MANBA: variants seen among roughly 807,000 people sequenced by gnomAD.
The protein encoded by MANBA is beta-mannosidase.
MANBA carries 83 observed loss-of-function variants against 111.1 expected under a neutral mutation model. The observed-to-expected ratio is 0.75, with a 90% CI of 0.63 to 0.90. The LOEUF (loss-of-function observed/expected upper bound fraction) is 0.90, where lower values mean the gene tolerates loss of function less well. Among genes scored for constraint, MANBA ranks in the 40% least tolerant of loss-of-function variants. The probability of loss-of-function intolerance (pLI) is 0.00; values close to 1 mark genes in which losing one functional copy is unlikely to be tolerated. For synonymous variants in MANBA, 370 were observed against 378.7 expected, an observed-to-expected ratio of 0.98 and a Z score of 0.27; for missense variants, 1,036 against 1,069.0, an observed-to-expected ratio of 0.97 and a Z score of 0.43.
chr4:102,717,784 G>A (rs1034244757), intron 4 of MANBA, among the ~76,000 whole-genome samples: 2 of 152,196 alleles, frequency 1.3e-5, no homozygotes, highest in Non-Finnish European at 2.9e-5. Flanking sequence ...AGAGAACAAT[G>A]GGAAGAGGCA....
At chr4:102,633,770 T>C (rs1242234465) in intron 16 of MANBA, among the ~76,000 whole-genome samples, 2 of 107,488 alleles carry the variant, frequency 1.9e-5, no homozygotes, top group Admixed American at 1.1e-4. Context: ...ATCCAGTACA[T>C]AGTGGTTTTT....
At chr4:102,714,590 T>C (rs1462382327) in intron 4 of MANBA, 29 bp from the exon 5 acceptor site, 2 of 1,593,858 alleles carry the variant, frequency 1.3e-6, no homozygotes, top group East Asian at 2.2e-5. Flanking sequence ...AAAGAAGATA[T>C]ATTCTGATTA....
chr4:102,664,123 C>T (rs1356383291), intron 11 of MANBA, among the ~76,000 whole-genome samples: 1 of 152,148 alleles, frequency 6.6e-6, no homozygotes, highest in African/African-American at 2.4e-5. Context: ...GGATGGACTC[C>T]AAGGAGCATG....
intron 13 of MANBA, among the ~76,000 whole-genome samples, chr4:102,645,405 T>G (rs1359142338): frequency 6.6e-6 from 1 of 152,094 alleles, no homozygotes; most frequent in Non-Finnish European, 1.5e-5. Context: ...CTCCTCTTAT[T>G]ACTAATTTTT....
chr4:102,696,420 T>C (rs1732710697), intron 5 of MANBA, among the ~76,000 whole-genome samples: 1 of 152,234 alleles, frequency 6.6e-6, no homozygotes, highest in South Asian at 2.1e-4. Flanking sequence ...ATTTCTTGAA[T>C]AACTACTGTC....
chr4:102,653,657 C>G (rs143604299), intron 12 of MANBA, among the ~76,000 whole-genome samples: 21 of 152,212 alleles, frequency 1.4e-4, no homozygotes, highest in African/African-American at 5.1e-4. Flanking sequence ...ACAAATGATT[C>G]ATAATGAGCA....
intron 1 of MANBA, chr4:102,734,664 A>G (rs972534039): frequency 2.5e-5 from 33 of 1,313,454 alleles, no homozygotes; most frequent in Non-Finnish European, 3.3e-5. Context: ...CCTTGGGGAC[A>G]GCCCTCCTGG....
chr4:102,653,548 AT>A (rs1399721549), intron 12 of MANBA, among the ~76,000 whole-genome samples: 1 of 152,172 alleles, frequency 6.6e-6, no homozygotes, highest in Non-Finnish European at 1.5e-5. Flanking sequence ...CCAAAGTTTT[AT>A]TTAGTTTTTC....
In MANBA at chr4:102,688,212, C is replaced by T. The variant is rs147434938; in HGVS notation, c.960+1362G>A. Among the ~76,000 whole-genome samples, 30 of 152,122 alleles carry T rather than the reference C, an allele frequency of 2.0e-4. No homozygotes were observed. In the East Asian group the frequency reaches 4.5e-3, roughly 23 times the overall value. ...CACATCCTCTCAGCCAAGAGGGGTA[C>T]GACAAGAGTGAATGCTTTGGCCCTT... On this transcript the variant is annotated intron_variant, in intron 7 of 16. Coordinates refer to ENST00000647097, the MANE Select transcript of MANBA (RefSeq NM_005908.4).
At chr4:102,746,833 G>A (rs1723603592) in intron 1 of MANBA, among the ~76,000 whole-genome samples, 1 of 152,070 alleles carries the variant, frequency 6.6e-6, no homozygotes, top group African/African-American at 2.4e-5. Flanking sequence ...TTAGCTGGGC[G>A]TGGTGGCGGT....
intron 13 of MANBA, among the ~76,000 whole-genome samples, chr4:102,643,681 T>C (rs1729979735): frequency 6.6e-6 from 1 of 152,336 alleles, no homozygotes; most frequent in South Asian, 2.1e-4. Context: ...ATGTGTTTAC[T>C]GGTCATTTTC....
intron 1 of MANBA, chr4:102,729,950 G>C: frequency 9.1e-7 from 1 of 1,102,978 alleles, no homozygotes; most frequent in Non-Finnish European, 1.4e-6. Context: ...GGTTAAGGGG[G>C]CTCAGCAGGC....
chr4:102,744,651 G>A (rs1312819354), intron 1 of MANBA, among the ~76,000 whole-genome samples: 1 of 152,224 alleles, frequency 6.6e-6, no homozygotes, highest in African/African-American at 2.4e-5. Context: ...TGGTACAGCA[G>A]CTGCAATTGG....
At chr4:102,670,410 A>C (rs1578887505) in intron 9 of MANBA, among the ~76,000 whole-genome samples, 1 of 152,254 alleles carries the variant, frequency 6.6e-6, no homozygotes, top group East Asian at 1.9e-4. Context: ...CGTCACAATG[A>C]CCATCAGCAT....
intron 2 of MANBA, among the ~76,000 whole-genome samples, chr4:102,725,824 G>A (rs1214627884): frequency 6.6e-6 from 1 of 151,982 alleles, no homozygotes; most frequent in African/African-American, 2.4e-5. Flanking sequence ...CTGAACACAG[G>A]AAGATGAAGA....
At chr4:102,745,026 C>T (rs1452315413) in intron 1 of MANBA, among the ~76,000 whole-genome samples, 1 of 152,084 alleles carries the variant, frequency 6.6e-6, no homozygotes, top group Non-Finnish European at 1.5e-5. Context: ...CCTGGATTTC[C>T]TTCCAAGGAA....
chr4:102,689,535 T>G, intron 7 of MANBA, 39 bp downstream of exon 7: 1 of 1,310,430 alleles, frequency 7.6e-7, no homozygotes, highest in South Asian at 1.3e-5. Context: ...TTAAAAGAAA[T>G]AAAATTATTT....
At chr4:102,673,439 C>T (rs6826031) in intron 8 of MANBA, among the ~76,000 whole-genome samples, 8,181 of 150,410 alleles carry the variant, frequency 0.054, 721 homozygotes, top group African/African-American at 0.18. Context: ...GCCTGGGAGG[C>T]GGAGGTTGCA....
At chr4:102,688,337 C>G (rs1732312505) in intron 7 of MANBA, among the ~76,000 whole-genome samples, 1 of 149,422 alleles carries the variant, frequency 6.7e-6, no homozygotes, top group Admixed American at 6.7e-5. Context: ...ACACTCTCTT[C>G]CCCTCTCACA....
Sources: allele counts gnomAD v4.1 joint callset (sites outside exome capture counted in the v4.1 genomes callset), GRCh38; gene constraint gnomAD v4.1.1; transcripts MANE v1.5; gene names NCBI Gene and HGNC (gene_info 2026-07-23, HGNC 2026-07-21).